RALYL: variants seen among roughly 807,000 people sequenced by gnomAD.
RALYL encodes the protein RALY RNA binding protein like.
Under a neutral mutation model 35.1 loss-of-function variants are expected in RALYL, and 29 were observed. The ratio of observed to expected loss-of-function variants is 0.83; its 90% confidence interval spans 0.61 to 1.13. The LOEUF (loss-of-function observed/expected upper bound fraction) is 1.13. Among genes scored for constraint, RALYL ranks in the 50% most tolerant of loss-of-function variants. The pLI, the probability that RALYL is intolerant of heterozygous loss-of-function variation, is 0.00. For missense variants in RALYL, 359 were observed against 360.4 expected, an observed-to-expected ratio of 1.00 and a Z score of 0.03; for synonymous variants, 120 against 127.6, an observed-to-expected ratio of 0.94 and a Z score of 0.40.
intron 1 of RALYL, among the ~76,000 whole-genome samples, chr8:84,279,773 A>C (rs1398841225): frequency 6.6e-6 from 1 of 151,886 alleles, no homozygotes; most frequent in African/African-American, 2.4e-5. Context: ...TTTACCACTG[A>C]TTTTTACCTT....
intron 1 of RALYL, among the ~76,000 whole-genome samples, chr8:84,230,483 A>C (rs1435446009): frequency 2.0e-5 from 3 of 152,178 alleles, no homozygotes; most frequent in Non-Finnish European, 4.4e-5. Context: ...TCCTGTGAAT[A>C]ATGTGAACAG....
intron 2 of RALYL, among the ~76,000 whole-genome samples, chr8:84,650,193 G>T (rs1828429709): frequency 6.6e-6 from 1 of 151,764 alleles, no homozygotes. Flanking sequence ...TGAGACAATG[G>T]GGTTTTCTAG....
At chr8:84,412,782 G>C (rs2044229590) in intron 1 of RALYL, among the ~76,000 whole-genome samples, 1 of 151,940 alleles carries the variant, frequency 6.6e-6, no homozygotes, top group Non-Finnish European at 1.5e-5. Context: ...TAAGGACCCA[G>C]GTAACTACGA....
At position 84,351,909 on chromosome 8, in the gene RALYL, T is replaced by G. The variant is rs1242801897; in HGVS notation, c.-24+167485T>G. On this transcript the variant is annotated intron_variant, in intron 1 of 8. Coordinates refer to ENST00000521268, the MANE Select transcript of RALYL (RefSeq NM_173848.7). ...GCAAATGAATTAAGTTCATGATGACTGAATGGGATGGGAGTTAGAGTTTGT... is the reference window on the plus strand; with the variant it reads ...GCAAATGAATTAAGTTCATGATGACGGAATGGGATGGGAGTTAGAGTTTGT... 2.7e-5 allele frequency among the ~76,000 whole-genome samples: 4 copies of G among 150,376 alleles called. No individual in the cohort carries two copies. The East Asian group carries it at 7.7e-4, about 29-fold the overall frequency.
intron 1 of RALYL, among the ~76,000 whole-genome samples, chr8:84,416,919 A>G (rs1346708790): frequency 6.6e-6 from 1 of 152,138 alleles, no homozygotes; most frequent in Non-Finnish European, 1.5e-5. Flanking sequence ...TGTTTTGTAT[A>G]ATGTCTTGGT....
At chr8:84,890,682 A>G (rs1295902599) in intron 8 of RALYL, among the ~76,000 whole-genome samples, 1 of 152,138 alleles carries the variant, frequency 6.6e-6, no homozygotes, top group Non-Finnish European at 1.5e-5. Flanking sequence ...CTGGGATCAC[A>G]CTTTGAGAAC....
intron 1 of RALYL, among the ~76,000 whole-genome samples, chr8:84,365,563 TA>T (rs1435466749): frequency 6.6e-6 from 1 of 152,192 alleles, no homozygotes; most frequent in African/African-American, 2.4e-5. Flanking sequence ...CTGCCACTGA[TA>T]TCTAGCACTA....
intron 1 of RALYL, among the ~76,000 whole-genome samples, chr8:84,492,602 T>A (rs2055464266): frequency 6.6e-6 from 1 of 152,136 alleles, no homozygotes; most frequent in African/African-American, 2.4e-5. Context: ...GCTTTTTTAA[T>A]CTGTTAAAAT....
chr8:84,594,868 A>C (rs1260194017), intron 2 of RALYL, among the ~76,000 whole-genome samples: 1 of 152,166 alleles, frequency 6.6e-6, no homozygotes, highest in East Asian at 1.9e-4. Flanking sequence ...TTTTCCATTT[A>C]GAAAATTGAT....
At chr8:84,444,490 A>G (rs1489812452) in intron 1 of RALYL, among the ~76,000 whole-genome samples, 2 of 152,098 alleles carry the variant, frequency 1.3e-5, no homozygotes, top group African/African-American at 2.4e-5. Context: ...TGTTTAGGTA[A>G]GGAGAATACC....
intron 1 of RALYL, among the ~76,000 whole-genome samples, chr8:84,471,103 A>C (rs80104909): frequency 0.039 from 5,994 of 152,292 alleles, 241 homozygotes; most frequent in African/African-American, 0.099. Context: ...GAGTTTATCG[A>C]AAGAATGACT....
At chr8:84,621,622 C>T (rs753984854) in intron 2 of RALYL, among the ~76,000 whole-genome samples, 1 of 152,170 alleles carries the variant, frequency 6.6e-6, no homozygotes, top group African/African-American at 2.4e-5. Flanking sequence ...GGCTCCTCCC[C>T]CGACTATAGA....
At chr8:84,615,207 T>C (rs1015879611) in intron 2 of RALYL, among the ~76,000 whole-genome samples, 1 of 151,800 alleles carries the variant, frequency 6.6e-6, no homozygotes, top group Non-Finnish European at 1.5e-5. Context: ...TCTACTCTTT[T>C]ATTAAACTGA....
chr8:84,792,461 C>T (rs955389278), intron 3 of RALYL, among the ~76,000 whole-genome samples: 1 of 152,210 alleles, frequency 6.6e-6, no homozygotes, highest in Non-Finnish European at 1.5e-5. Context: ...CTCTCATCTC[C>T]CCCTGGAGCT....
At chr8:84,599,593 G>A (rs1372317933) in intron 2 of RALYL, among the ~76,000 whole-genome samples, 2 of 151,770 alleles carry the variant, frequency 1.3e-5, no homozygotes, top group Non-Finnish European at 2.9e-5. Flanking sequence ...TCCTACCATG[G>A]TTAAAACCTA....
chr8:84,189,388 C>T (rs1316252970), intron 1 of RALYL, among the ~76,000 whole-genome samples: 8 of 152,092 alleles, frequency 5.3e-5, no homozygotes, highest in Non-Finnish European at 1.2e-4. Flanking sequence ...AATGTTTATA[C>T]ACATTTTGAT....
chr8:84,425,423 T>A (rs1054067131), intron 1 of RALYL, among the ~76,000 whole-genome samples: 6 of 152,008 alleles, frequency 3.9e-5, no homozygotes, highest in African/African-American at 1.4e-4. Flanking sequence ...CACGGTGCGC[T>A]CACCCACTGG....
intron 1 of RALYL, among the ~76,000 whole-genome samples, chr8:84,433,179 T>C (rs1256945189): frequency 1.3e-5 from 2 of 152,104 alleles, no homozygotes; most frequent in Non-Finnish European, 2.9e-5. Flanking sequence ...AACCACAGTG[T>C]TCTTGTGTAG....
At chr8:84,783,662 G>C (rs530056251) in intron 3 of RALYL, among the ~76,000 whole-genome samples, 1 of 152,240 alleles carries the variant, frequency 6.6e-6, no homozygotes, top group South Asian at 2.1e-4. Flanking sequence ...CCAGGTCCTT[G>C]AGAAAGACAT....
Sources: gnomAD v4.1 joint callset for allele counts (sites outside exome capture counted in the v4.1 genomes callset) on GRCh38, gnomAD v4.1.1 for gene constraint, MANE v1.5 for transcripts, NCBI Gene and HGNC (gene_info 2026-07-23, HGNC 2026-07-21) for gene names.